Variants in EPB41L1 observed in about 807,000 individuals in gnomAD.
The protein encoded by EPB41L1 is band 4.1-like protein 1.
EPB41L1 carries 29 observed loss-of-function variants against 97.8 expected under a neutral mutation model. That is an observed-to-expected ratio of 0.30 (90% CI 0.22 to 0.40). The LOEUF is 0.40. Among genes scored for constraint, EPB41L1 ranks in the 10% least tolerant of loss-of-function variants. The pLI is 1.00. For synonymous variants in EPB41L1, 383 were observed against 459.2 expected (o/e 0.83, Z 2.12); for missense variants, 812 against 1,162.3 (o/e 0.70, Z 4.38).
At chr20:36,225,849 G>A (rs2064117787) in intron 21 of EPB41L1, among the ~76,000 whole-genome samples, 1 of 152,004 alleles carries the variant, frequency 6.6e-6, no homozygotes, top group Non-Finnish European at 1.5e-5. Flanking sequence ...ACCCCGCCGC[G>A]ATGCAGTCTT....
intron 19 of EPB41L1, 26 bp downstream of exon 19, chr20:36,219,870 C>A: frequency 6.3e-7 from 1 of 1,597,910 alleles, no homozygotes; most frequent in Non-Finnish European, 8.6e-7. Context: ...GCGCCCCATG[C>A]CCCCAGCCGA....
At position 36,194,342 on chromosome 20, in the gene EPB41L1, C is replaced by A; in HGVS notation, c.1431C>A (p.Thr477=). 6.2e-7 allele frequency: 1 copy of A among 1,612,814 alleles called. No homozygotes were observed. ...AGGAGGGAGAGGTCAGGACTCCAAC[C>A]AAGATCAAGGAGCTAAAGGTAGGAG... is the stretch of plus-strand genomic sequence containing the variant. ...EAEEGEVRTP[T]KIKELKPEQE... Residue 477 remains threonine (T), a synonymous_variant, in exon 12 of 22, where the codon ACC becomes ACA. Transcript: ENST00000338074.
chr20:36,173,597 C>T (rs2061088785), intron 1 of EPB41L1, among the ~76,000 whole-genome samples, 167 bp from the exon 2 acceptor site: 1 of 152,118 alleles, frequency 6.6e-6, no homozygotes, highest in Non-Finnish European at 1.5e-5. Context: ...CTCCCATGAC[C>T]CTCCCTCCTC....
At chr20:36,123,007 C>G (rs1158890108) in intron 2 of EPB41L1, among the ~76,000 whole-genome samples, 1 of 151,962 alleles carries the variant, frequency 6.6e-6, no homozygotes, top group Non-Finnish European at 1.5e-5. Context: ...AGCATCCAGT[C>G]TCCATGGGAA....
intron 1 of EPB41L1, chr20:36,155,763 GGGAGAGA>G: frequency 4.9e-6 from 2 of 409,306 alleles, no homozygotes; most frequent in South Asian, 3.6e-5. Context: ...GCATTGGTGG[GGGAGAGA>G]GCACCACGTG....
Position 36,190,488 on chromosome 20 carries a change from GTCCC to G in EPB41L1, c.1124+120_1124+123del. 6.5e-7 allele frequency: 1 copy of G among 1,527,450 alleles called. No individual in the cohort carries two copies. The highest frequency in any genetic ancestry group is 9.0e-7 in the Non-Finnish European group (1 of 1,113,786). 94.6% of individuals were successfully genotyped at this position (1,527,450 alleles called of 1,614,324 possible). A position where few individuals can be genotyped will look rare whatever the true frequency, so the allele number is the denominator to read the frequency against. On this transcript the variant is annotated intron_variant, in intron 10 of 21. Coordinates refer to ENST00000338074, the MANE Select transcript of EPB41L1 (RefSeq NM_012156.2). The surrounding 1 kb of genome is among the most constrained non-coding windows in gnomAD (Gnocchi z 5.8). ...GGAAAGTCCTCCACCCTTTCCCCAA[GTCCC>G]TCCCTTCCTGGACCACTTTGAATTG...
chr20:36,108,839 AG>A (rs1394469531), intron 1 of EPB41L1, among the ~76,000 whole-genome samples: 1 of 152,132 alleles, frequency 6.6e-6, no homozygotes, highest in Non-Finnish European at 1.5e-5. Flanking sequence ...GAAGGTTGGG[AG>A]GTCAATGAAG....
At chr20:36,113,015 C>A (rs2058458490) in intron 2 of EPB41L1, among the ~76,000 whole-genome samples, 1 of 152,218 alleles carries the variant, frequency 6.6e-6, no homozygotes, top group Non-Finnish European at 1.5e-5. Flanking sequence ...TTTTCCATTG[C>A]ACCCCAAAGA....
chr20:36,165,306 A>G (rs555312087), intron 1 of EPB41L1, among the ~76,000 whole-genome samples: 63 of 152,106 alleles, frequency 4.1e-4, no homozygotes, highest in East Asian at 9.7e-4. Context: ...TTGTATCTCA[A>G]AGTCCTCCCA....
intron 21 of EPB41L1, 43 bp downstream of exon 21, chr20:36,222,437 G>A (rs2063835793): frequency 6.7e-7 from 1 of 1,487,154 alleles, no homozygotes; most frequent in South Asian, 1.1e-5. Context: ...AGAGGAGGGA[G>A]CAGTAGCAAG....
At chr20:36,119,691 G>A (rs188123836) in intron 2 of EPB41L1, among the ~76,000 whole-genome samples, 1 of 151,702 alleles carries the variant, frequency 6.6e-6, no homozygotes, top group African/African-American at 2.4e-5. Flanking sequence ...GGAAGGGAAG[G>A]AAAGGGACAA....
intron 21 of EPB41L1, among the ~76,000 whole-genome samples, chr20:36,225,134 A>T (rs1212195649): frequency 6.6e-6 from 1 of 152,192 alleles, no homozygotes; most frequent in Admixed American, 6.5e-5. Context: ...ATCTAGGAAA[A>T]TTTTAAATTG....
At chr20:36,193,790 T>G (rs2062064906) in intron 11 of EPB41L1, among the ~76,000 whole-genome samples, 1 of 152,246 alleles carries the variant, frequency 6.6e-6, no homozygotes, top group Non-Finnish European at 1.5e-5. Flanking sequence ...GCAACATTTA[T>G]GGGCTGCCAT....
Position 36,190,926 on chromosome 20 carries a change from G to A in EPB41L1, c.1300+129G>A. The A allele has an allele frequency of 7.6e-7, 1 of 1,320,194 alleles. No individual in the cohort carries two copies. The highest frequency in any genetic ancestry group is 1.1e-6 in the Non-Finnish European group (1 of 950,996). 81.8% of individuals were successfully genotyped at this position (1,320,194 alleles called of 1,614,324 possible). A position where few individuals can be genotyped will look rare whatever the true frequency, so the allele number is the denominator to read the frequency against. On this transcript the variant is annotated intron_variant, in intron 11 of 21. Coordinates refer to ENST00000338074, the MANE Select transcript of EPB41L1 (RefSeq NM_012156.2). The surrounding 1 kb of genome is among the most constrained non-coding windows in gnomAD (Gnocchi z 5.8). ...TCCCAAGTTCATCTGCACCAGGCTG[G>A]CCCCTCAAGACCAGTGCTGTCCCTG... is the stretch of plus-strand genomic sequence containing the variant.
Position 36,187,709 on chromosome 20 carries a change from C to T in EPB41L1, c.819C>T (p.Phe273=). 6.2e-7 allele frequency: 1 copy of T among 1,614,116 alleles called. No individual in the cohort carries two copies. Among genetic ancestry groups the T allele is most frequent in the Non-Finnish European group, 8.5e-7 (1 of 1,180,016 alleles). ...CCCCGGGAGAAGCAGAAATCCACTT[C>T]TTAGAGAATGCCAAGAAGCTTTCCA... ...GMTPGEAEIH[F]LENAKKLSMY... Residue 273 remains phenylalanine (F), a synonymous_variant, in exon 8 of 22, where the codon TTC becomes TTT. Transcript: ENST00000338074.
intron 1 of EPB41L1, among the ~76,000 whole-genome samples, chr20:36,161,287 G>A (rs2060513501): frequency 6.6e-6 from 1 of 152,116 alleles, no homozygotes; most frequent in African/African-American, 2.4e-5. Flanking sequence ...ACTGTCCTTG[G>A]ACAAGCTTTC....
intron 14 of EPB41L1, among the ~76,000 whole-genome samples, chr20:36,205,329 G>C (rs911496847): frequency 6.6e-6 from 1 of 152,160 alleles, no homozygotes; most frequent in Non-Finnish European, 1.5e-5. Context: ...TTCTTTTCCT[G>C]ACTCTGTCTT....
chr20:36,148,064 G>A (rs1268602091), intron 2 of EPB41L1, among the ~76,000 whole-genome samples: 1 of 152,086 alleles, frequency 6.6e-6, no homozygotes, highest in Non-Finnish European at 1.5e-5. Context: ...TGGCATCCTG[G>A]GTGGACTCCT....
At chr20:36,160,889 C>G (rs182696981) in intron 1 of EPB41L1, among the ~76,000 whole-genome samples, 1 of 152,216 alleles carries the variant, frequency 6.6e-6, no homozygotes, top group Non-Finnish European at 1.5e-5. Flanking sequence ...AATGGATAAA[C>G]CCTACTAATT....
Sources: gnomAD v4.1 joint callset for allele counts (sites outside exome capture counted in the v4.1 genomes callset) on GRCh38, gnomAD v4.1.1 for gene constraint, Gnocchi (gnomAD v3.1) non-coding constraint, MANE v1.5 for transcripts, NCBI Gene and HGNC (gene_info 2026-07-23, HGNC 2026-07-21) for gene names.